Variants in CCDC142 observed in about 807,000 individuals in gnomAD.
CCDC142 encodes coiled-coil domain containing 142.
In CCDC142, 67 loss-of-function variants were observed where a neutral mutation model predicts 83.8. The ratio of observed to expected loss-of-function variants is 0.80; its 90% CI spans 0.66 to 0.98. The LOEUF is 0.98. CCDC142 is among the 50% of genes least tolerant of loss of function. The pLI is 0.00. For synonymous variants in CCDC142, 421 were observed against 421.2 expected, an observed-to-expected ratio of 1.00 and a Z score of 0.01; for missense variants, 905 against 946.8, an observed-to-expected ratio of 0.96 and a Z score of 0.58.
At chr2:74,481,648 G>C (rs1253936147) in intron 1 of CCDC142, 110 bp from the exon 2 acceptor site, 1 of 1,371,028 alleles carries the variant, frequency 7.3e-7, no homozygotes, top group Non-Finnish European at 1.0e-6. Flanking sequence ...CTCGGGACTG[G>C]GGTGGAAAGC....
rs368450432 is a variant in CCDC142 at position 74,474,525 on chromosome 2, T to C, written c.*21A>G. 1.7e-4 allele frequency: 267 copies of C among 1,564,026 alleles called. No individual in the cohort carries two copies. The highest frequency in any genetic ancestry group is 2.1e-4 in the Non-Finnish European group (243 of 1,159,132). On this transcript the variant is annotated 3_prime_UTR_variant, in exon 9 of 9. Coordinates refer to ENST00000393965, the MANE Select transcript of CCDC142 (RefSeq NM_001365575.2). The stretch of plus-strand genomic sequence containing the variant: ...TAGAGATGGGGAGCTCTTAACTTTC[T>C]GGCTCCTGGTCCCAGGCTCCTTAGG...
At position 74,481,926 on chromosome 2, in the gene CCDC142, T is replaced by C; in HGVS notation, c.912A>G (p.Gln304=). Residue 304 remains glutamine (Q), a synonymous_variant, in exon 1 of 9, where the codon CAA becomes CAG. Coordinates refer to ENST00000393965, the MANE Select transcript of CCDC142 (RefSeq NM_001365575.2). ...AGGCTGCCCACAGCAGGGTCCAGTATTGGCTCCACAAGGCCCCAGCCCCTC... is the reference window on the plus strand; with the variant it reads ...AGGCTGCCCACAGCAGGGTCCAGTACTGGCTCCACAAGGCCCCAGCCCCTC... ...GLGGAGALWS[Q]YWTLLWAACA... 1 of 1,614,080 alleles carries C rather than the reference T, an allele frequency of 6.2e-7. No individual in the cohort carries two copies. Among genetic ancestry groups the C allele is most frequent in the Non-Finnish European group, 8.5e-7 (1 of 1,179,998 alleles).
chr2:74,481,232 G>A lies in CCDC142; in HGVS notation c.1249C>T (p.Gln417Ter), dbSNP rs1558574458. The A allele has an allele frequency of 5.0e-6, 8 of 1,614,078 alleles. No homozygotes were observed. The highest frequency in any genetic ancestry group is 5.9e-6 in the Non-Finnish European group (7 of 1,179,982). The change falls in exon 3 of 9, where the codon CAG (glutamine) becomes TAG (stop). Residue 417 changes from glutamine (Q) to a stop codon, truncating the protein, a stop_gained. Coordinates refer to ENST00000393965, the MANE Select transcript of CCDC142 (RefSeq NM_001365575.2). LOFTEE classifies it high-confidence loss of function. The stretch of plus-strand genomic sequence containing the variant: ...CAGCCCCTCGTCTCACCTGCAGGCT[G>A]GCAGAAAATCCGTCGTAACCTGGGC... Reference protein sequence around the residue: ...REPRLRRIFCQPADPAPVALG... With the variant: ...REPRLRRIFC
Position 74,473,170 on chromosome 2 carries a change from A to G in CCDC142, c.*1376T>C, listed in dbSNP as rs1672229019. 5.1e-6 allele frequency: 1 copy of G among 197,312 alleles called. No homozygotes were observed. The highest frequency in any genetic ancestry group is 2.4e-5 in the African/African-American group (1 of 41,838). 12.2% of individuals were successfully genotyped at this position (197,312 alleles called of 1,614,324 possible). A position where few individuals can be genotyped will look rare whatever the true frequency, so the allele number is the denominator to read the frequency against. Reference sequence around the variant, plus strand: ...TTAAACGTGAAAGTACTACAGCCCAATATTAGTAAATGACTGAAAATAGTA... The same window carrying G: ...TTAAACGTGAAAGTACTACAGCCCAGTATTAGTAAATGACTGAAAATAGTA... On this transcript the variant is annotated 3_prime_UTR_variant, in exon 9 of 9. Transcript: ENST00000393965.
Position 74,475,663 on chromosome 2 carries a change from A to G in CCDC142, c.1567T>C (p.Phe523Leu), listed in dbSNP as rs752690857. ...QECHKQAMQG[F>L]KLYMPRGRYW... The stretch of plus-strand genomic sequence containing the variant: ...CGACCCCGTGGCATGTAGAGCTTGA[A>G]ACCTTGCATGGCTTGTTTATGACAT... The change falls in exon 6 of 9, where the codon TTC (phenylalanine) becomes CTC (leucine). Residue 523 changes from phenylalanine to leucine, a missense_variant. Phe to Leu is a conservative substitution (Grantham distance 22, BLOSUM62 0). Around this residue, in one of 3 missense-constraint regions of CCDC142, gnomAD observed 265 missense variants for 288.9 expected, o/e 0.92. Transcript: ENST00000393965. 16 of 1,614,098 alleles carry G rather than the reference A, an allele frequency of 9.9e-6. No homozygotes were observed. The East Asian group carries it at 1.1e-4, about 11-fold the overall frequency.
chr2:74,476,619 A>C (rs182268674), intron 5 of CCDC142, among the ~76,000 whole-genome samples: 118 of 152,324 alleles, frequency 7.7e-4, no homozygotes, highest in Middle Eastern at 6.8e-3. Context: ...ATATATTATT[A>C]TTCTTCACAG....
At chr2:74,475,568 AC>A in intron 6 of CCDC142, 43 bp downstream of exon 6, 2 of 1,542,150 alleles carry the variant, frequency 1.3e-6, no homozygotes, top group East Asian at 4.5e-5. Context: ...AGACACTATT[AC>A]CCCCTTGGAA....
intron 3 of CCDC142, 45 bp from the exon 4 acceptor site, chr2:74,481,131 T>A: frequency 3.7e-6 from 6 of 1,608,920 alleles, no homozygotes; most frequent in Non-Finnish European, 5.1e-6. Flanking sequence ...GGTCATGGAG[T>A]ACCTTTGGGA....
At position 74,481,059 on chromosome 2, in the gene CCDC142, C is replaced by A; in HGVS notation, c.1286G>T (p.Cys429Phe). The change falls in exon 4 of 9, where the codon TGT (cysteine) becomes TTT (phenylalanine). Residue 429 changes from cysteine to phenylalanine, a missense_variant. Transcript: ENST00000393965. ...CCAGAGCAAGGTGGTCTGAAGGGTA[C>A]AGAGACCTAGGGCGACAGGCGCAGG... ...ADPAPVALGL[C>F]TLQTTLLWFL... 1 of 1,613,916 alleles carries A rather than the reference C, an allele frequency of 6.2e-7. No homozygotes were observed. Among genetic ancestry groups the A allele is most frequent in the East Asian group, 2.2e-5 (1 of 44,884 alleles).
intron 6 of CCDC142, 104 bp from the exon 7 acceptor site, chr2:74,475,506 G>A: frequency 6.9e-7 from 1 of 1,459,674 alleles, no homozygotes; most frequent in Non-Finnish European, 9.3e-7. Flanking sequence ...GGGTACAGAA[G>A]CTGAGGACAA....
rs1672244813 is a variant in CCDC142, at chr2:74,473,744, G to C, written c.*802C>G. ...GTCTTGCTCTTTACTCTGGATTCCAGGTGCTGGAGTGATCTTGGATTTTTT... is the reference window on the plus strand; with the variant it reads ...GTCTTGCTCTTTACTCTGGATTCCACGTGCTGGAGTGATCTTGGATTTTTT... On this transcript the variant is annotated 3_prime_UTR_variant, in exon 9 of 9. Coordinates refer to ENST00000393965, the MANE Select transcript of CCDC142 (RefSeq NM_001365575.2). The C allele has an allele frequency of 1.3e-5, 2 of 148,268 alleles. No individual in the cohort carries two copies. Among genetic ancestry groups the C allele is most frequent in the African/African-American group, 2.5e-5 (1 of 40,092 alleles). The allele number at this position is 148,268 out of a possible 1,614,324, so 9.2% of individuals were successfully genotyped here.
In CCDC142 at chr2:74,472,846, C is replaced by A. The variant is rs1012438316; in HGVS notation, c.*1700G>T. 13 of 638,748 alleles carry A rather than the reference C, an allele frequency of 2.0e-5. No homozygotes were observed. In the African/African-American group the frequency reaches 2.4e-4, roughly 12 times the overall value. The allele number at this position is 638,748 out of a possible 1,614,324, so 39.6% of individuals were successfully genotyped here. ...AAAGAAAGAGGTGGTTTCGGCACAA[C>A]GCATGGGGGAGCCCAAAGTAGGCTG... On this transcript the variant is annotated 3_prime_UTR_variant, in exon 9 of 9. Transcript: ENST00000393965.
In CCDC142 at chr2:74,480,729, T is replaced by C. The variant is rs776697702; in HGVS notation, c.1503+40A>G. 7.0e-6 allele frequency: 10 copies of C among 1,423,258 alleles called. No individual in the cohort carries two copies. The Admixed American group carries it at 7.1e-5, about 10-fold the overall frequency. The allele number at this position is 1,423,258 out of a possible 1,614,324, so 88.2% of individuals were successfully genotyped here. The stretch of plus-strand genomic sequence containing the variant: ...CACCCCCGATACTTGGCACAGAACA[T>C]AGGGTCTTACACTGCCACTGTTGAG... On this transcript the variant is annotated intron_variant, in intron 5 of 8. Transcript: ENST00000393965.
Position 74,482,387 on chromosome 2 carries a change from C to A in CCDC142, c.451G>T (p.Gly151Trp). The A allele has an allele frequency of 6.3e-7, 1 of 1,576,022 alleles. No individual in the cohort carries two copies. The highest frequency in any genetic ancestry group is 1.9e-5 in the Admixed American group (1 of 51,884). ...CCAGGGCCGATTCGCAGAACCGCCC[C>A]TTGGGAAGGGTGCAGCTGCAGGTCG... Reference protein sequence around the residue: ...CRDLQLHPSQGAVLRIGPGET... With the variant: ...CRDLQLHPSQWAVLRIGPGET... The change falls in exon 1 of 9, where the codon GGG (glycine) becomes TGG (tryptophan). Residue 151 changes from glycine to tryptophan, a missense_variant. Gly to Trp is a radical substitution (Grantham distance 184, BLOSUM62 -2). Around this residue, in one of 3 missense-constraint regions of CCDC142, gnomAD observed 591 missense variants for 571.4 expected, o/e 1.03. Coordinates refer to ENST00000393965, the MANE Select transcript of CCDC142 (RefSeq NM_001365575.2). This position sits in a 1 kb window ranked among gnomAD's most constrained non-coding sequence, Gnocchi z 5.0.
At chr2:74,476,246 C>T (rs1193023222) in intron 5 of CCDC142, among the ~76,000 whole-genome samples, 1 of 152,120 alleles carries the variant, frequency 6.6e-6, no homozygotes, top group East Asian at 1.9e-4. Context: ...GATCTCGGCT[C>T]ACTGCAACCT....
intron 4 of CCDC142, 26 bp from the exon 5 acceptor site, chr2:74,480,908 G>A: frequency 6.2e-7 from 1 of 1,611,702 alleles, no homozygotes; most frequent in Non-Finnish European, 8.5e-7. Context: ...GGGAGTGAGG[G>A]CTCAGCCTAG....
intron 1 of CCDC142, 58 bp downstream of exon 1, chr2:74,481,759 C>T: frequency 6.4e-7 from 1 of 1,557,328 alleles, no homozygotes; most frequent in Non-Finnish European, 8.7e-7. Flanking sequence ...AGTGAGTTGG[C>T]CAAGGGGAAG....
In CCDC142 at chr2:74,482,263, T is replaced by TC. The variant is rs1307297369; in HGVS notation, c.574dup (p.Glu192GlyfsTer157). On this transcript the variant is annotated frameshift_variant, in exon 1 of 9. Coordinates refer to ENST00000393965, the MANE Select transcript of CCDC142 (RefSeq NM_001365575.2). LOFTEE classifies it high-confidence loss of function. The surrounding 1 kb of genome is among the most constrained non-coding windows in gnomAD (Gnocchi z 5.0). ...GGACGACAGGCCCGGGCTGGCGGGC[T>TC]CCCGGCCGAGAGCGCGAAGCTGCAT... 6.2e-7 allele frequency: 1 copy of TC among 1,612,390 alleles called. No individual in the cohort carries two copies. Among genetic ancestry groups the TC allele is most frequent in the African/African-American group, 1.3e-5 (1 of 74,852 alleles).
chr2:74,481,229 G>T lies in CCDC142; in HGVS notation c.1252C>A (p.Pro418Thr), dbSNP rs1182215627. The stretch of plus-strand genomic sequence containing the variant: ...CCCCAGCCCCTCGTCTCACCTGCAG[G>T]CTGGCAGAAAATCCGTCGTAACCTG... The part of the protein sequence containing the change: ...EPRLRRIFCQ[P>T]ADPAPVALGL... Residue 418 changes from proline (P) to threonine (T), a missense_variant, in exon 3 of 9, where the codon CCT (proline) becomes ACT (threonine). This residue lies in a region of CCDC142 where 591 missense variants were observed against 571.4 expected (regional missense o/e 1.03). Coordinates refer to ENST00000393965, the MANE Select transcript of CCDC142 (RefSeq NM_001365575.2). The T allele has an allele frequency of 6.2e-7, 1 of 1,614,032 alleles. No homozygotes were observed. The highest frequency in any genetic ancestry group is 8.5e-7 in the Non-Finnish European group (1 of 1,179,984).
Sources: allele counts gnomAD v4.1 joint callset (sites outside exome capture counted in the v4.1 genomes callset), GRCh38; gene constraint gnomAD v4.1.1; regional missense constraint gnomAD v4.1.1; non-coding constraint Gnocchi (gnomAD v3.1); transcripts MANE v1.5; gene names NCBI Gene and HGNC (gene_info 2026-07-23, HGNC 2026-07-21).